The following ZDHHC21 variants were observed in gnomAD, a reference collection of about 807,000 sequenced individuals.
The protein encoded by ZDHHC21 is zDHHC palmitoyltransferase 21, also known as palmitoyltransferase ZDHHC21.
A neutral mutation model predicts 34.6 loss-of-function variants in ZDHHC21; 15 were observed. The observed-to-expected ratio is 0.43, with a 90% CI of 0.29 to 0.67. ZDHHC21 has a LOEUF of 0.67. ZDHHC21 is among the 30% of genes least tolerant of loss of function. The pLI is 0.14. For missense variants in ZDHHC21, 344 were observed against 327.7 expected (o/e 1.05, Z -0.38); for synonymous variants, 142 against 101.8 (o/e 1.40, Z -2.38).
chr9:14,668,533 C>G (rs1231527166), intron 5 of ZDHHC21, among the ~76,000 whole-genome samples: 2 of 140,578 alleles, frequency 1.4e-5, no homozygotes, highest in Admixed American at 7.1e-5. Context: ...AAAAAGAGCC[C>G]GCATTGCCAA....
intron 8 of ZDHHC21, among the ~76,000 whole-genome samples, chr9:14,638,289 C>T (rs1043788423): frequency 1.3e-5 from 2 of 151,918 alleles, no homozygotes; most frequent in African/African-American, 4.8e-5. Flanking sequence ...GGGAAAAAAA[C>T]AGTCTTTTGA....
At chr9:14,681,979 C>A (rs897372373) in intron 2 of ZDHHC21, among the ~76,000 whole-genome samples, 5 of 152,062 alleles carry the variant, frequency 3.3e-5, no homozygotes, top group Non-Finnish European at 5.9e-5. Flanking sequence ...CCTTTACAGA[C>A]AAGCAAATGC....
At position 14,612,700 on chromosome 9, in the gene ZDHHC21, C is replaced by G. The variant is rs1446862485; in HGVS notation, c.*6266G>C. The G allele has an allele frequency of 2.0e-5, 3 of 151,756 alleles. No homozygotes were observed. The highest frequency in any genetic ancestry group is 2.9e-5 in the Non-Finnish European group (2 of 67,824). The allele number at this position is 151,756 out of a possible 1,614,324, so 9.4% of individuals were successfully genotyped here. On this transcript the variant is annotated 3_prime_UTR_variant, in exon 10 of 10. Coordinates refer to ENST00000380916, the MANE Select transcript of ZDHHC21 (RefSeq NM_178566.6). ...AAAGCATCTCTCTCTCTGTCTCTCT[C>G]TCTGTCTGTCTGTCTCTCCGTATCT...
chr9:14,656,785 T>C (rs1168002386), intron 7 of ZDHHC21, among the ~76,000 whole-genome samples: 3 of 151,960 alleles, frequency 2.0e-5, no homozygotes, highest in Non-Finnish European at 4.4e-5. Flanking sequence ...GCTAAAATGC[T>C]ACTAACATAT....
At position 14,616,088 on chromosome 9, in the gene ZDHHC21, T is replaced by C. The variant is rs556906419; in HGVS notation, c.*2878A>G. 5.9e-5 allele frequency: 9 copies of C among 151,760 alleles called. No individual in the cohort carries two copies. The highest frequency in any genetic ancestry group is 3.9e-4 in the East Asian group (2 of 5,152). The allele number at this position is 151,760 out of a possible 1,614,324, so 9.4% of individuals were successfully genotyped here. A position where few individuals can be genotyped will look rare whatever the true frequency, so the allele number is the denominator to read the frequency against. ...TAATCTCTTAGTTATTTTAAGGCAA[T>C]AGAGCCAGTAAAAAAATCATTTCAA... On this transcript the variant is annotated 3_prime_UTR_variant, in exon 10 of 10. Coordinates refer to ENST00000380916, the MANE Select transcript of ZDHHC21 (RefSeq NM_178566.6).
chr9:14,677,192 T>C (rs770816396), intron 3 of ZDHHC21, among the ~76,000 whole-genome samples: 6 of 152,022 alleles, frequency 3.9e-5, no homozygotes, highest in Non-Finnish European at 8.8e-5. Context: ...TAAACATACA[T>C]AGATGACACT....
downstream of ZDHHC21, among the ~76,000 whole-genome samples, chr9:14,610,056 ATG>A (rs1474583127): frequency 2.0e-4 from 13 of 63,832 alleles, no homozygotes; most frequent in Non-Finnish European, 5.0e-4. Flanking sequence ...TTATGTTAAC[ATG>A]TAATGAGTTT....
chr9:14,612,444 C>T lies in ZDHHC21; in HGVS notation c.*6522G>A, dbSNP rs1438390708. On this transcript the variant is annotated 3_prime_UTR_variant, in exon 10 of 10. Transcript: ENST00000380916. ...AAAAATCTGGAACCCAAATAATATA[C>T]ATAGCAGCATTACATTTGGACAATT... 2 of 151,936 alleles carry T rather than the reference C, an allele frequency of 1.3e-5. No individual in the cohort carries two copies. The highest frequency in any genetic ancestry group is 2.9e-5 in the Non-Finnish European group (2 of 67,928). The allele number at this position is 151,936 out of a possible 1,614,324, so 9.4% of individuals were successfully genotyped here.
chr9:14,691,373 C>A (rs1839126577), intron 1 of ZDHHC21, among the ~76,000 whole-genome samples: 1 of 152,168 alleles, frequency 6.6e-6, no homozygotes, highest in Non-Finnish European at 1.5e-5. Flanking sequence ...CTGCAGAGAC[C>A]ATTTGAGTTA....
intron 8 of ZDHHC21, among the ~76,000 whole-genome samples, chr9:14,635,548 A>G (rs4490946): frequency 0.39 from 59,643 of 152,118 alleles, 12,110 homozygotes; most frequent in Non-Finnish European, 0.45. Flanking sequence ...TGCGGAACGA[A>G]AAACACTTTC....
intron 7 of ZDHHC21, among the ~76,000 whole-genome samples, chr9:14,658,003 G>A (rs1832579178): frequency 6.6e-6 from 1 of 152,088 alleles, no homozygotes. Flanking sequence ...TATATTCTCA[G>A]TGGATAACTT....
chr9:14,642,993 CTTTGGGAGG>C (rs1036079479), intron 7 of ZDHHC21, among the ~76,000 whole-genome samples: 4 of 152,132 alleles, frequency 2.6e-5, no homozygotes, highest in Non-Finnish European at 5.9e-5. Context: ...AATCCCAGCA[CTTTGGGAGG>C]CCAAGGTGGG....
intron 8 of ZDHHC21, among the ~76,000 whole-genome samples, chr9:14,638,473 C>T (rs765601455): frequency 6.6e-6 from 1 of 151,964 alleles, no homozygotes; most frequent in Non-Finnish European, 1.5e-5. Context: ...TATTTCAGGA[C>T]TTGGTCTAGA....
At chr9:14,597,983 C>G in the ZDHHC21 span, among the ~76,000 whole-genome samples, 1 of 152,168 alleles carries the variant, frequency 6.6e-6, no homozygotes, top group Admixed American at 6.5e-5. Context: ...GCCACCGCAA[C>G]TGGTGCCCAC....
At chr9:14,604,190 T>C in the ZDHHC21 span, among the ~76,000 whole-genome samples, 22 of 152,198 alleles carry the variant, frequency 1.4e-4, no homozygotes, top group South Asian at 6.2e-4. Context: ...AAAGAGCAAT[T>C]TGGGAAAGCT....
At chr9:14,677,740 A>G (rs1836676676) in intron 3 of ZDHHC21, among the ~76,000 whole-genome samples, 1 of 152,106 alleles carries the variant, frequency 6.6e-6, no homozygotes, top group African/African-American at 2.4e-5. Flanking sequence ...AAAAACAATT[A>G]TAATTTAACT....
Position 14,618,836 on chromosome 9 carries a change from G to C in ZDHHC21, c.*130C>G. The C allele has an allele frequency of 1.0e-6, 1 of 977,996 alleles. No individual in the cohort carries two copies. The highest frequency in any genetic ancestry group is 1.4e-6 in the Non-Finnish European group (1 of 715,852). The allele number at this position is 977,996 out of a possible 1,614,324, so 60.6% of individuals were successfully genotyped here. On this transcript the variant is annotated 3_prime_UTR_variant, in exon 10 of 10. Coordinates refer to ENST00000380916, the MANE Select transcript of ZDHHC21 (RefSeq NM_178566.6). The stretch of plus-strand genomic sequence containing the variant: ...AAGATCACTATTAAAATAAAGCCTG[G>C]GGCACATTATGATGCCTAAGACTGG...
downstream of ZDHHC21, among the ~76,000 whole-genome samples, chr9:14,606,562 G>C (rs1198642388): frequency 6.6e-6 from 1 of 152,086 alleles, no homozygotes; most frequent in Non-Finnish European, 1.5e-5. Context: ...AGACACCATG[G>C]AAGACAGAAA....
At chr9:14,661,893 C>A (rs1331451197) in intron 6 of ZDHHC21, among the ~76,000 whole-genome samples, 1 of 152,176 alleles carries the variant, frequency 6.6e-6, no homozygotes, top group Non-Finnish European at 1.5e-5. Context: ...CATTTAAGTA[C>A]ATCCTACTTG....
Sources: gnomAD v4.1 joint callset for allele counts (sites outside exome capture counted in the v4.1 genomes callset) on GRCh38, gnomAD v4.1.1 for gene constraint, MANE v1.5 for transcripts, NCBI Gene and HGNC (gene_info 2026-07-23, HGNC 2026-07-21) for gene names.